The following NDUFS2 variants were observed in gnomAD, a reference collection of about 807,000 sequenced individuals.
The protein encoded by NDUFS2 is NADH:ubiquinone oxidoreductase core subunit S2, also known as NADH dehydrogenase [ubiquinone] iron-sulfur protein 2, mitochondrial.
In NDUFS2, 38 loss-of-function variants were observed where a neutral mutation model predicts 69.6. That is an observed-to-expected ratio of 0.55 (90% CI 0.42 to 0.72). The LOEUF (loss-of-function observed/expected upper bound fraction) is 0.72, where lower values mean the gene tolerates loss of function less well. Ranked by LOEUF, NDUFS2 falls within the 30% of genes least tolerant of loss-of-function variation. The pLI is 0.00. For synonymous variants in NDUFS2, 194 were observed against 211.2 expected (o/e 0.92, Z 0.70); for missense variants, 468 against 595.0 (o/e 0.79, Z 2.22).
chr1:161,198,882 C>T (rs1664990428), upstream of NDUFS2: 3 of 440,556 alleles, frequency 6.8e-6, no homozygotes, highest in Admixed American at 7.7e-5. This position sits in a 1 kb window ranked among gnomAD's most constrained non-coding sequence, Gnocchi z 4.7. Context: ...CTTTGTCTCT[C>T]CCTGCCTGTG....
chr1:161,201,979 G>C (rs1475515516), upstream of NDUFS2: 2 of 321,864 alleles, frequency 6.2e-6, no homozygotes, highest in Non-Finnish European at 1.2e-5. Context: ...TATAAGGGCA[G>C]GGCTCAGATA....
intron 10 of NDUFS2, 182 bp from the exon 11 acceptor site, chr1:161,213,198 C>T (rs1665868117): frequency 1.4e-5 from 8 of 589,810 alleles, no homozygotes; most frequent in East Asian, 3.3e-5. Context: ...TCACCGCACC[C>T]GGCCATATAA....
Position 161,202,394 on chromosome 1 carries a change from G to T in NDUFS2, c.9G>T (p.Ala3=), listed in dbSNP as rs1665180031. The T allele has an allele frequency of 6.2e-7, 1 of 1,611,714 alleles. No individual in the cohort carries two copies. The highest frequency in any genetic ancestry group is 8.5e-7 in the Non-Finnish European group (1 of 1,179,308). The part of the protein sequence containing the change: MA[A]LRALCGFRGV... ...TCTGCAGCCGGAGTAAGATGGCGGC[G>T]CTGAGGGCTTTGTGCGGCTTCCGGG... Residue 3 remains alanine (A), a synonymous_variant, in exon 1 of 14, where the codon GCG becomes GCT. Coordinates refer to ENST00000676972, the MANE Select transcript of NDUFS2 (RefSeq NM_001377299.1).
chr1:161,203,427 G>T lies in NDUFS2; in HGVS notation c.96-10G>T. On this transcript the variant is annotated splice_polypyrimidine_tract_variant and intron_variant, in intron 1 of 13. Transcript: ENST00000676972. ...GGCCCTTTGTCTAGGATCTGTCTTTGACTCCCCAGAGGTGTTCGGCAGTGG... is the reference window on the plus strand; with the variant it reads ...GGCCCTTTGTCTAGGATCTGTCTTTTACTCCCCAGAGGTGTTCGGCAGTGG... The T allele has an allele frequency of 1.2e-6, 2 of 1,612,820 alleles. No individual in the cohort carries two copies. Among genetic ancestry groups the T allele is most frequent in the Non-Finnish European group, 1.7e-6 (2 of 1,178,814 alleles).
In NDUFS2 at chr1:161,202,458, CGA is replaced by C; in HGVS notation, c.74_75del (p.Arg25LeufsTer43). ...GGTGCTGCGGCCTGGGGCTGGAGTC[CGA>C]TTGCCGATTCAGCCCAGCAGGTGAG... is the stretch of plus-strand genomic sequence containing the variant. ...AQVLRPGAGVRLPIQPSRGVR... is the reference protein window; with the variant it reads ...AQVLRPGAGVXLPIQPSRGVR... On this transcript the variant is annotated frameshift_variant, in exon 1 of 14. Coordinates refer to ENST00000676972, the MANE Select transcript of NDUFS2 (RefSeq NM_001377299.1). LOFTEE classifies it high-confidence loss of function. 1.2e-6 allele frequency: 2 copies of C among 1,611,786 alleles called. No individual in the cohort carries two copies. The highest frequency in any genetic ancestry group is 1.7e-6 in the Non-Finnish European group (2 of 1,179,370).
upstream of NDUFS2, chr1:161,198,227 C>T: frequency 1.2e-6 from 2 of 1,614,142 alleles, no homozygotes; most frequent in South Asian, 1.1e-5. This position sits in a 1 kb window ranked among gnomAD's most constrained non-coding sequence, Gnocchi z 4.7. Context: ...CTCCGGATCT[C>T]CATTGATGGT....
At chr1:161,203,787 A>T (rs1665306472) in intron 2 of NDUFS2, 7 of 513,372 alleles carry the variant, frequency 1.4e-5, no homozygotes, top group Non-Finnish European at 2.5e-5. Flanking sequence ...CCTTTTGTAG[A>T]GACAGAGTCT....
chr1:161,203,599 T>C, intron 2 of NDUFS2, 56 bp downstream of exon 2: 1 of 1,428,552 alleles, frequency 7.0e-7, no homozygotes, highest in Admixed American at 1.8e-5. Flanking sequence ...CCAGCTGATT[T>C]CCTTTTCTTT....
rs965466967 is a variant in NDUFS2 at position 161,207,976 on chromosome 1, ATTTTTTT to A, written c.394-1198_394-1192del. ...AGGCACGCACCACCATGCCTGGCTA[ATTTTTTT>A]TTTTTTTTTTTTTTTTTTGAGACGG... On this transcript the variant is annotated intron_variant, in intron 3 of 13. Coordinates refer to ENST00000676972, the MANE Select transcript of NDUFS2 (RefSeq NM_001377299.1). 2.9e-3 allele frequency among the ~76,000 whole-genome samples: 254 copies of A among 88,772 alleles called. 1 individual carries two copies. The highest frequency in any genetic ancestry group is 4.0e-3 in the Non-Finnish European group (194 of 49,010). 58.2% of individuals were successfully genotyped at this position (88,772 alleles called of 152,430 possible). A position where few individuals can be genotyped will look rare whatever the true frequency, so the allele number is the denominator to read the frequency against.
chr1:161,209,089 A>G, intron 3 of NDUFS2, 104 bp from the exon 4 acceptor site: 3 of 1,513,778 alleles, frequency 2.0e-6, no homozygotes, highest in Non-Finnish European at 2.7e-6. Flanking sequence ...AGAAAGGCTT[A>G]TACAGCACCA....
intron 3 of NDUFS2, 142 bp downstream of exon 3, chr1:161,206,739 TGGAGG>T (rs1314906329): frequency 1.3e-5 from 11 of 843,560 alleles, no homozygotes; most frequent in Non-Finnish European, 2.0e-5. Flanking sequence ...GTTGGGTGGA[TGGAGG>T]GAAGTGGCAG....
upstream of NDUFS2, chr1:161,198,137 G>A (rs984084303): frequency 6.2e-7 from 1 of 1,613,932 alleles, no homozygotes; most frequent in Non-Finnish European, 8.5e-7. This position sits in a 1 kb window ranked among gnomAD's most constrained non-coding sequence, Gnocchi z 4.7. Context: ...TCCCTCCAGG[G>A]GCTGGAGGTG....
At position 161,210,141 on chromosome 1, in the gene NDUFS2, T is replaced by C. The variant is rs1665693083; in HGVS notation, c.733T>C (p.Tyr245His). The C allele has an allele frequency of 6.2e-7, 1 of 1,614,048 alleles. No homozygotes were observed. Among genetic ancestry groups the C allele is most frequent in the African/African-American group, 1.3e-5 (1 of 74,914 alleles). The stretch of plus-strand genomic sequence containing the variant: ...ACCCCTTGGGCTTATGGATGACATT[T>C]ATCAGTTTTCTAAGAACTTCTCTCT... ...DLPLGLMDDI[Y>H]QFSKNFSLRL... Residue 245 changes from tyrosine (Y) to histidine (H), a missense_variant, in exon 7 of 14, where the codon TAT (tyrosine) becomes CAT (histidine). Around this residue, in one of 3 missense-constraint regions of NDUFS2, gnomAD observed 339 missense variants for 433.8 expected, o/e 0.78. Transcript: ENST00000676972.
chr1:161,212,448 A>G lies in NDUFS2; in HGVS notation c.1084A>G (p.Lys362Glu), dbSNP rs781107186. The G allele has an allele frequency of 1.2e-6, 2 of 1,613,832 alleles. No individual in the cohort carries two copies. Among genetic ancestry groups the G allele is most frequent in the Non-Finnish European group, 1.7e-6 (2 of 1,179,920 alleles). ...PPGEIKVDDA[K>E]VSPPKRAEMK... is the part of the protein sequence containing the mutation. ...TGGGGAGATCAAGGTTGATGATGCCAAAGTGTCTCCACCTAAGCGAGCAGA... is the reference window on the plus strand; with the variant it reads ...TGGGGAGATCAAGGTTGATGATGCCGAAGTGTCTCCACCTAAGCGAGCAGA... The change falls in exon 10 of 14, where the codon AAA becomes GAA. Residue 362 changes from lysine to glutamate, a missense_variant. By Grantham distance (56) the Lys-to-Glu change is moderately conservative. Around this residue, in one of 3 missense-constraint regions of NDUFS2, gnomAD observed 339 missense variants for 433.8 expected, o/e 0.78. Transcript: ENST00000676972.
At chr1:161,211,167 AC>A (rs1156905243) in intron 9 of NDUFS2, among the ~76,000 whole-genome samples, 1 of 152,112 alleles carries the variant, frequency 6.6e-6, no homozygotes. Context: ...GAGCCACCAC[AC>A]CCGGCCTATG....
rs549206897 is a variant in NDUFS2 at position 161,208,557 on chromosome 1, C to T, written c.394-636C>T. Among the ~76,000 whole-genome samples, 18 of 152,350 alleles carry T rather than the reference C, an allele frequency of 1.2e-4. No homozygotes were observed. In the South Asian group the frequency reaches 3.7e-3, roughly 32 times the overall value. On this transcript the variant is annotated intron_variant, in intron 3 of 13. Transcript: ENST00000676972. Reference sequence around the variant, plus strand: ...TCAGGTGATCTACCCGCCTCGGCCTCCCAAAGTGTTGGGATTACAGGCGTG... The same window carrying T: ...TCAGGTGATCTACCCGCCTCGGCCTTCCAAAGTGTTGGGATTACAGGCGTG...
At chr1:161,198,692 C>A (rs2102021100), upstream of NDUFS2, 1 of 1,385,044 alleles carries the variant, frequency 7.2e-7, no homozygotes, top group African/African-American at 1.5e-5. This position sits in a 1 kb window ranked among gnomAD's most constrained non-coding sequence, Gnocchi z 4.7. Context: ...CACACCCTAG[C>A]TTTGGAAAGC....
At position 161,209,292 on chromosome 1, in the gene NDUFS2, C is replaced by G; in HGVS notation, c.493C>G (p.Pro165Ala). 6.2e-7 allele frequency: 1 copy of G among 1,614,158 alleles called. No individual in the cohort carries two copies. The highest frequency in any genetic ancestry group is 8.5e-7 in the Non-Finnish European group (1 of 1,180,022). Residue 165 changes from proline to alanine, a missense_variant, in exon 4 of 14, where the codon CCT becomes GCT. Pro to Ala is a conservative substitution (Grantham distance 27). Coordinates refer to ENST00000676972, the MANE Select transcript of NDUFS2 (RefSeq NM_001377299.1). ...VEKLLNIRPP[P>A]RAQWIRVLFG... Reference sequence around the variant, plus strand: ...GAAGTTGCTAAACATCCGGCCTCCTCCTCGGGCACAGTGGATCCGAGGTAT... The same window carrying G: ...GAAGTTGCTAAACATCCGGCCTCCTGCTCGGGCACAGTGGATCCGAGGTAT...
chr1:161,204,801 C>T (rs1665365804), intron 2 of NDUFS2, among the ~76,000 whole-genome samples: 1 of 152,082 alleles, frequency 6.6e-6, no homozygotes, highest in Admixed American at 6.6e-5. Context: ...TGCGGTGGCT[C>T]ACACTTTGGG....
Sources: allele counts gnomAD v4.1 joint callset (sites outside exome capture counted in the v4.1 genomes callset), GRCh38; gene constraint gnomAD v4.1.1; regional missense constraint gnomAD v4.1.1; non-coding constraint Gnocchi (gnomAD v3.1); transcripts MANE v1.5; gene names NCBI Gene and HGNC (gene_info 2026-07-23, HGNC 2026-07-21).